The following KANK1 variants were observed in gnomAD, a reference collection of about 807,000 sequenced individuals.
KANK1 encodes the protein KN motif and ankyrin repeat domain-containing protein 1.
In KANK1, 109 loss-of-function variants were observed where a neutral mutation model predicts 106.2. The observed-to-expected ratio is 1.03, with a 90% CI of 0.88 to 1.20. The LOEUF (loss-of-function observed/expected upper bound fraction) is 1.20, where lower values mean the gene tolerates loss of function less well. Among genes scored for constraint, KANK1 ranks in the 50% most tolerant of loss-of-function variants. KANK1 has a pLI of 0.00. For synonymous variants in KANK1, 873 were observed against 652.2 expected (o/e 1.34, Z -5.16); for missense variants, 2,399 against 1,710.7 (o/e 1.40, Z -7.10).
chr9:542,845 A>ACT (rs74982887), intron 1 of KANK1, among the ~76,000 whole-genome samples: 72,958 of 151,832 alleles, frequency 0.48, 20,487 homozygotes, highest in East Asian at 0.79. Context: ...AGAAAGTCAA[A>ACT]CTCTCACAGA....
rs1484945272 is a variant in KANK1 at position 745,211 on chromosome 9, C to T, written c.4035C>T (p.Pro1345=). The change falls in exon 12 of 12, where the codon CCC becomes CCT. Residue 1345 remains proline, a synonymous_variant. Transcript: ENST00000382297. ...PRLGRKTSPG[P]THRGSFD ...TTGGAAGGAAGACGTCTCCTGGCCC[C>T]ACCCACCGAGGTTCATTTGATTGAT... The T allele has an allele frequency of 4.3e-6, 7 of 1,614,144 alleles. No individual in the cohort carries two copies. The East Asian group carries it at 8.9e-5, about 21-fold the overall frequency.
intron 2 of KANK1, among the ~76,000 whole-genome samples, chr9:471,239 G>A (rs539632576): frequency 5.3e-5 from 8 of 152,322 alleles, no homozygotes; most frequent in East Asian, 3.9e-4. Context: ...CAAGGAAAGC[G>A]ATAGTGCCAG....
chr9:489,246 A>C (rs144651148), intron 3 of KANK1, among the ~76,000 whole-genome samples: 30 of 152,238 alleles, frequency 2.0e-4, no homozygotes, highest in African/African-American at 6.5e-4. Context: ...TTTGGGGTAG[A>C]GCCTACATGT....
intron 1 of KANK1, among the ~76,000 whole-genome samples, chr9:645,095 G>C (rs1839353816): frequency 8.2e-6 from 1 of 122,252 alleles, no homozygotes; most frequent in African/African-American, 3.5e-5. Context: ...CTGCACTCCA[G>C]CCTCAGCAAC....
At chr9:667,790 G>C (rs554019768) in intron 1 of KANK1, among the ~76,000 whole-genome samples, 2 of 149,964 alleles carry the variant, frequency 1.3e-5, no homozygotes, top group African/African-American at 4.9e-5. Context: ...ATCCAGGCTG[G>C]AGTGCAGTGG....
intron 6 of KANK1, 79 bp downstream of exon 6, chr9:732,696 T>A: frequency 6.7e-7 from 1 of 1,497,486 alleles, no homozygotes; most frequent in Non-Finnish European, 9.1e-7. Flanking sequence ...AGTTCAGAGC[T>A]TTTGTAATTA....
rs1294936880 is a variant in KANK1 at position 472,733 on chromosome 9, T to C, written c.-441-461T>C. ...GTGTAAAAGGAAATGCAGGTTTCCTTGTTTTAAAATTATTCCGAATTTTAA... is the reference window on the plus strand; with the variant it reads ...GTGTAAAAGGAAATGCAGGTTTCCTCGTTTTAAAATTATTCCGAATTTTAA... On this transcript the variant is annotated intron_variant, in intron 2 of 15. Coordinates refer to the KANK1 transcript ENST00000382303. 2.0e-5 allele frequency among the ~76,000 whole-genome samples: 3 copies of C among 152,140 alleles called. No homozygotes were observed. The East Asian group carries it at 5.8e-4, about 29-fold the overall frequency.
At chr9:698,482 T>A (rs183835290) in intron 2 of KANK1, among the ~76,000 whole-genome samples, 52 of 152,004 alleles carry the variant, frequency 3.4e-4, no homozygotes, top group East Asian at 2.5e-3. Flanking sequence ...AAAGAAAAAA[T>A]TTTCTTTTTT....
chr9:595,433 C>G (rs898521942), intron 1 of KANK1, among the ~76,000 whole-genome samples: 2 of 151,890 alleles, frequency 1.3e-5, no homozygotes, highest in African/African-American at 4.9e-5. Flanking sequence ...GCGTTGCAAT[C>G]AGAACAAGAA....
At chr9:647,285 A>G (rs938641956) in intron 1 of KANK1, among the ~76,000 whole-genome samples, 1 of 151,092 alleles carries the variant, frequency 6.6e-6, no homozygotes, top group Non-Finnish European at 1.5e-5. Flanking sequence ...AATTATGACT[A>G]GACAACTAAG....
chr9:712,528 A>G lies in KANK1; in HGVS notation c.1762A>G (p.Met588Val), dbSNP rs892414493. The change falls in exon 3 of 12, where the codon ATG (methionine) becomes GTG (valine). Residue 588 changes from methionine to valine, a missense_variant. By Grantham distance (21) the Met-to-Val change is conservative (BLOSUM62 1). Coordinates refer to ENST00000382297, the MANE Select transcript of KANK1 (RefSeq NM_015158.5). ...HDRCAGRSVE[M>V]CDKSVSVEVS... is the part of the protein sequence containing the mutation. ...CCGATGTGCTGGGAGGTCTGTGGAAATGTGTGACAAGAGTGTGAGTGTGGA... is the reference window on the plus strand; with the variant it reads ...CCGATGTGCTGGGAGGTCTGTGGAAGTGTGTGACAAGAGTGTGAGTGTGGA... 1 of 1,614,180 alleles carries G rather than the reference A, an allele frequency of 6.2e-7. No individual in the cohort carries two copies.
At chr9:574,734 G>A (rs1428440105) in intron 1 of KANK1, among the ~76,000 whole-genome samples, 1 of 151,504 alleles carries the variant, frequency 6.6e-6, no homozygotes, top group African/African-American at 2.4e-5. Flanking sequence ...ACGTGCCTGT[G>A]GTCCCAGCTA....
chr9:534,070 G>T (rs534304907), intron 1 of KANK1, among the ~76,000 whole-genome samples: 1 of 152,258 alleles, frequency 6.6e-6, no homozygotes, highest in East Asian at 1.9e-4. Flanking sequence ...GAAAGGGGGG[G>T]GCAGAACCAG....
At chr9:483,023 C>T (rs113738855) in intron 3 of KANK1, among the ~76,000 whole-genome samples, 3,484 of 152,242 alleles carry the variant, frequency 0.023, 62 homozygotes, top group South Asian at 0.031. Flanking sequence ...ACTGTCGCAG[C>T]ATCACAGTGC....
At chr9:488,149 C>T (rs918204659) in intron 3 of KANK1, among the ~76,000 whole-genome samples, 19 of 152,154 alleles carry the variant, frequency 1.2e-4, no homozygotes, top group Non-Finnish European at 2.4e-4. Flanking sequence ...TTAATCTACT[C>T]CATGAATCCC....
rs1486681356 is a variant in KANK1, at chr9:711,195, C to G, written c.429C>G (p.Pro143=). 6.2e-7 allele frequency: 1 copy of G among 1,614,166 alleles called. No individual in the cohort carries two copies. The highest frequency in any genetic ancestry group is 1.1e-5 in the South Asian group (1 of 91,082). Residue 143 remains proline, a synonymous_variant, in exon 3 of 12, where the codon CCC becomes CCG. Transcript: ENST00000382297. ...TIPENRQLPP[P]SPQLPKHNLH... is the part of the protein sequence containing the mutation. ...CAGAAAATCGACAGCTGCCACCTCCCTCACCACAACTCCCAAAGCATAACC... is the reference window on the plus strand; with the variant it reads ...CAGAAAATCGACAGCTGCCACCTCCGTCACCACAACTCCCAAAGCATAACC...
intron 1 of KANK1, among the ~76,000 whole-genome samples, chr9:508,677 T>G (rs551302577): frequency 1.3e-5 from 2 of 151,576 alleles, no homozygotes; most frequent in African/African-American, 4.9e-5. Flanking sequence ...CTGGTTTCTT[T>G]CTCAACATTA....
At chr9:629,617 C>G (rs1001038098) in intron 1 of KANK1, among the ~76,000 whole-genome samples, 15 of 152,160 alleles carry the variant, frequency 9.9e-5, no homozygotes, top group African/African-American at 3.6e-4. Flanking sequence ...GTGCATTGGT[C>G]TCTGAAGCAG....
At chr9:642,006 C>T (rs1838567641) in intron 1 of KANK1, among the ~76,000 whole-genome samples, 1 of 152,162 alleles carries the variant, frequency 6.6e-6, no homozygotes, top group Non-Finnish European at 1.5e-5. Flanking sequence ...CCACACACCC[C>T]CCAGCACTAG....
Sources: allele counts gnomAD v4.1 joint callset (sites outside exome capture counted in the v4.1 genomes callset), GRCh38; gene constraint gnomAD v4.1.1; transcripts MANE v1.5; gene names NCBI Gene and HGNC (gene_info 2026-07-23, HGNC 2026-07-21).